Variants in MGAT4C observed in about 807,000 individuals in gnomAD.
MGAT4C encodes the protein MGAT4 family member C, also known as alpha-1,3-mannosyl-glycoprotein 4-beta-N-acetylglucosaminyltransferase C.
MGAT4C carries 19 observed loss-of-function variants against 40.1 expected under a neutral mutation model. The observed-to-expected ratio is 0.47, with a 90% CI of 0.33 to 0.70. MGAT4C has a LOEUF of 0.70. Among genes scored for constraint, MGAT4C ranks in the 30% least tolerant of loss-of-function variants. The probability of loss-of-function intolerance (pLI) is 0.02; values close to 1 mark genes in which losing one functional copy is unlikely to be tolerated. For missense variants in MGAT4C, 491 were observed against 563.2 expected (o/e 0.87, Z 1.30); for synonymous variants, 181 against 187.1 (o/e 0.97, Z 0.27).
At chr12:86,829,676 T>A (rs531454854) in intron 1 of MGAT4C, among the ~76,000 whole-genome samples, 1 of 151,544 alleles carries the variant, frequency 6.6e-6, no homozygotes, top group African/African-American at 2.4e-5. Context: ...ACATTAATAA[T>A]GTTTTGGAGG....
At chr12:86,191,618 A>C (rs1889464006) in intron 1 of MGAT4C, among the ~76,000 whole-genome samples, 1 of 118,088 alleles carries the variant, frequency 8.5e-6, no homozygotes, top group South Asian at 3.3e-4. Context: ...TCTATCCTGA[A>C]AAACAAAAAA....
intron 2 of MGAT4C, among the ~76,000 whole-genome samples, chr12:86,045,750 T>C (rs1236880706): frequency 6.6e-6 from 1 of 152,200 alleles, no homozygotes; most frequent in African/African-American, 2.4e-5. Context: ...ATTTCTTGTC[T>C]CCGTAAAAGT....
intron 2 of MGAT4C, among the ~76,000 whole-genome samples, chr12:86,722,423 T>C (rs1950752440): frequency 6.6e-6 from 1 of 152,210 alleles, no homozygotes; most frequent in African/African-American, 2.4e-5. Flanking sequence ...GGCCTTTTCT[T>C]GGTAATGAAC....
chr12:86,029,717 T>C (rs1890567084), intron 2 of MGAT4C, among the ~76,000 whole-genome samples: 1 of 151,916 alleles, frequency 6.6e-6, no homozygotes, highest in African/African-American at 2.4e-5. Flanking sequence ...GTGATGACAC[T>C]TTATTTATAC....
chr12:86,136,748 G>T (rs1882010679), intron 1 of MGAT4C, among the ~76,000 whole-genome samples: 1 of 151,954 alleles, frequency 6.6e-6, no homozygotes, highest in Non-Finnish European at 1.5e-5. Context: ...GCATGCAATA[G>T]CGTGATCTCA....
chr12:86,016,262 T>G (rs1383782674), intron 2 of MGAT4C: 2 of 152,222 alleles, frequency 1.3e-5, no homozygotes, highest in East Asian at 3.8e-4. Flanking sequence ...CATCAAGTTT[T>G]GTCACAAGGT....
chr12:86,441,191 C>T (rs1957220477), intron 2 of MGAT4C, among the ~76,000 whole-genome samples: 1 of 151,864 alleles, frequency 6.6e-6, no homozygotes, highest in Non-Finnish European at 1.5e-5. Context: ...AATCTGGAGG[C>T]ATGGCATTAC....
chr12:86,180,039 A>G (rs576148381), intron 1 of MGAT4C, among the ~76,000 whole-genome samples: 1 of 152,208 alleles, frequency 6.6e-6, no homozygotes, highest in African/African-American at 2.4e-5. Context: ...TTTGTGGGCC[A>G]GGCCAGGCTC....
At chr12:86,180,192 C>T (rs944261886) in intron 1 of MGAT4C, among the ~76,000 whole-genome samples, 1 of 152,208 alleles carries the variant, frequency 6.6e-6, no homozygotes, top group African/African-American at 2.4e-5. Flanking sequence ...TGATGTTGAG[C>T]CTGTGGGTAC....
intron 1 of MGAT4C, among the ~76,000 whole-genome samples, chr12:86,253,204 A>T (rs1184986887): frequency 6.6e-6 from 1 of 152,054 alleles, no homozygotes; most frequent in Non-Finnish European, 1.5e-5. Flanking sequence ...GTAGAAAAAA[A>T]ATAATATGTG....
chr12:86,799,835 GTAGA>G (rs1245190068), intron 1 of MGAT4C, among the ~76,000 whole-genome samples: 1 of 151,828 alleles, frequency 6.6e-6, no homozygotes, highest in Non-Finnish European at 1.5e-5. Flanking sequence ...TATATTGCCT[GTAGA>G]TAGTGACATG....
chr12:86,589,689 C>CA (rs1378990575), intron 2 of MGAT4C, among the ~76,000 whole-genome samples: 1 of 152,016 alleles, frequency 6.6e-6, no homozygotes, highest in Non-Finnish European at 1.5e-5. Flanking sequence ...AGCAGCACAT[C>CA]AAAAAGCTTA....
At chr12:86,418,254 A>C (rs1161177314) in intron 3 of MGAT4C, among the ~76,000 whole-genome samples, 1 of 152,136 alleles carries the variant, frequency 6.6e-6, no homozygotes, top group Non-Finnish European at 1.5e-5. Context: ...TCATATAAAC[A>C]TAAGTCTGGG....
At chr12:86,751,731 T>A (rs1223481386) in intron 1 of MGAT4C, among the ~76,000 whole-genome samples, 3 of 152,058 alleles carry the variant, frequency 2.0e-5, no homozygotes, top group African/African-American at 7.2e-5. Flanking sequence ...TGATTTGTAG[T>A]AAATTACACC....
chr12:86,550,397 T>A (rs1448683375), intron 2 of MGAT4C, among the ~76,000 whole-genome samples: 1 of 152,144 alleles, frequency 6.6e-6, no homozygotes, highest in Non-Finnish European at 1.5e-5. Context: ...CCACTTTGAA[T>A]AGCTGCTGGG....
At chr12:86,413,633 C>T (rs950968257) in intron 3 of MGAT4C, among the ~76,000 whole-genome samples, 2 of 152,090 alleles carry the variant, frequency 1.3e-5, no homozygotes, top group Non-Finnish European at 2.9e-5. Flanking sequence ...TGGAAATTTG[C>T]GCAGAGCAGA....
intron 1 of MGAT4C, among the ~76,000 whole-genome samples, chr12:86,078,619 T>C (rs1870233062): frequency 6.6e-6 from 1 of 152,182 alleles, no homozygotes; most frequent in African/African-American, 2.4e-5. Flanking sequence ...GGCTCAGTGT[T>C]GGTCGCTGCT....
At chr12:86,134,087 T>C (rs1010900355) in intron 1 of MGAT4C, among the ~76,000 whole-genome samples, 1 of 152,156 alleles carries the variant, frequency 6.6e-6, no homozygotes, top group Non-Finnish European at 1.5e-5. Flanking sequence ...TTTCTAGTTA[T>C]GTGTTTTACA....
chr12:86,323,674 G>A (rs189156947), intron 4 of MGAT4C, among the ~76,000 whole-genome samples: 58 of 151,546 alleles, frequency 3.8e-4, no homozygotes, highest in Admixed American at 6.6e-4. Flanking sequence ...ATAAATAGAC[G>A]AAATACACAA....
Sources: gnomAD v4.1 joint callset for allele counts (sites outside exome capture counted in the v4.1 genomes callset) on GRCh38, gnomAD v4.1.1 for gene constraint, MANE v1.5 for transcripts, NCBI Gene and HGNC (gene_info 2026-07-23, HGNC 2026-07-21) for gene names.